The following AREL1 variants were observed in gnomAD, a reference collection of about 807,000 sequenced individuals.
AREL1 encodes apoptosis resistant E3 ubiquitin protein ligase 1.
In AREL1, 62 loss-of-function variants were observed where a neutral mutation model predicts 99.0. The ratio of observed to expected loss-of-function variants is 0.63; its 90% confidence interval spans 0.51 to 0.77. The LOEUF is 0.77. Among genes scored for constraint, AREL1 ranks in the 30% least tolerant of loss-of-function variants. The probability of loss-of-function intolerance (pLI) is 0.00; values close to 1 mark genes in which losing one functional copy is unlikely to be tolerated. For synonymous variants in AREL1, 380 were observed against 376.5 expected (o/e 1.01, Z -0.11); for missense variants, 879 against 1,027.6 (o/e 0.86, Z 1.98).
intron 3 of AREL1, among the ~76,000 whole-genome samples, chr14:74,685,085 T>C (rs2089718992): frequency 6.6e-6 from 1 of 152,320 alleles, no homozygotes; most frequent in Admixed American, 6.5e-5. Context: ...GAGCTGCATA[T>C]AATGTCCGCC....
intron 1 of AREL1, among the ~76,000 whole-genome samples, chr14:74,710,623 A>G (rs780172353): frequency 7.9e-5 from 12 of 152,202 alleles, no homozygotes; most frequent in Non-Finnish European, 1.6e-4. Context: ...AGCTCTACAC[A>G]TGAATGGCAG....
At chr14:74,690,571 C>T (rs1566695603) in intron 2 of AREL1, among the ~76,000 whole-genome samples, 1 of 152,208 alleles carries the variant, frequency 6.6e-6, no homozygotes, top group Non-Finnish European at 1.5e-5. Context: ...TTTTCTACAG[C>T]AGTTTCTACA....
In AREL1 at chr14:74,692,286, C is replaced by T. The variant is rs963723709; in HGVS notation, c.-291G>A. 1.1e-5 allele frequency: 5 copies of T among 456,444 alleles called. No homozygotes were observed. The highest frequency in any genetic ancestry group is 7.1e-5 in the Admixed American group (3 of 42,482). 28.3% of individuals were successfully genotyped at this position (456,444 alleles called of 1,614,324 possible). ...GAATATATCATTCCTGGACTTCTCT[C>T]TAGTGCAGGGTGCAATCGACTGCCA... On this transcript the variant is annotated 5_prime_UTR_variant, in exon 2 of 20. Transcript: ENST00000356357.
At chr14:74,665,101 G>A in intron 17 of AREL1, 176 bp from the exon 18 acceptor site, 1 of 502,552 alleles carries the variant, frequency 2.0e-6, no homozygotes. Context: ...ACATACAACA[G>A]GGCAATAGTT....
chr14:74,669,611 GAGAACAT>G, intron 15 of AREL1, 31 bp downstream of exon 15: 1 of 1,602,856 alleles, frequency 6.2e-7, no homozygotes. Context: ...CAGGAAACTG[GAGAACAT>G]AGGACCCAGA....
rs1235935775 is a variant in AREL1 at position 74,676,173 on chromosome 14, T to C, written c.800A>G (p.Asn267Ser). ...ACISYQNQPI[N>S]NGEFDIIVLS... is the part of the protein sequence containing the mutation. ...GACAATAATGTCAAATTCACCATTATTGATTGGCTGATTTTGGTATGAAAT... is the reference window on the plus strand; with the variant it reads ...GACAATAATGTCAAATTCACCATTACTGATTGGCTGATTTTGGTATGAAAT... The change falls in exon 7 of 20, where the codon AAT becomes AGT. Residue 267 changes from asparagine (N) to serine (S), a missense_variant. Physicochemically the swap from Asn to Ser is conservative, Grantham distance 46. Transcript: ENST00000356357. 6 of 1,614,028 alleles carry C rather than the reference T, an allele frequency of 3.7e-6. No homozygotes were observed. The highest frequency in any genetic ancestry group is 1.3e-5 in the African/African-American group (1 of 75,042).
At chr14:74,706,295 C>T (rs995370815) in intron 1 of AREL1, among the ~76,000 whole-genome samples, 14 of 152,166 alleles carry the variant, frequency 9.2e-5, no homozygotes, top group African/African-American at 1.4e-4. Context: ...CCATTAACTG[C>T]GCCTGAAGTG....
intron 11 of AREL1, 78 bp downstream of exon 11, chr14:74,672,753 A>G: frequency 1.3e-6 from 2 of 1,587,304 alleles, no homozygotes; most frequent in Middle Eastern, 1.7e-4. Context: ...AAACAAAAAC[A>G]AAAACAGTAA....
intron 6 of AREL1, 52 bp from the exon 7 acceptor site, chr14:74,676,373 A>T (rs1328002786): frequency 6.3e-7 from 1 of 1,582,412 alleles, no homozygotes; most frequent in Non-Finnish European, 8.6e-7. Flanking sequence ...TCCCATTTAC[A>T]AGCCACTTTA....
intron 12 of AREL1, 35 bp from the exon 13 acceptor site, chr14:74,670,906 C>T (rs1164177869): frequency 6.4e-7 from 1 of 1,561,638 alleles, no homozygotes; most frequent in South Asian, 1.1e-5. Flanking sequence ...AATGACTCTG[C>T]CCTCCCTCCT....
Position 74,663,715 on chromosome 14 carries a change from A to G in AREL1, c.*5T>C, listed in dbSNP as rs1462291307. On this transcript the variant is annotated 3_prime_UTR_variant, in exon 20 of 20. Transcript: ENST00000356357. ...ATGGGAGCCAACTGGATGACAGGAG[A>G]GTGGTCAGAGCATGCCAAAGCCCTC... The G allele has an allele frequency of 6.2e-7, 1 of 1,613,336 alleles. No homozygotes were observed. Among genetic ancestry groups the G allele is most frequent in the Non-Finnish European group, 8.5e-7 (1 of 1,179,854 alleles).
intron 1 of AREL1, among the ~76,000 whole-genome samples, chr14:74,694,196 A>AAATT (rs1225576452): frequency 4.6e-5 from 7 of 152,066 alleles, no homozygotes; most frequent in Non-Finnish European, 1.0e-4. Context: ...ATAAATAAAT[A>AAATT]AATAAATAAT....
intron 5 of AREL1, among the ~76,000 whole-genome samples, chr14:74,677,021 G>A (rs987157678): frequency 1.3e-5 from 2 of 151,712 alleles, no homozygotes; most frequent in Non-Finnish European, 2.9e-5. Flanking sequence ...GGATAGTCTC[G>A]ATCTCCTGAC....
chr14:74,675,759 C>T lies in AREL1; in HGVS notation c.1020G>A (p.Glu340=). The T allele has an allele frequency of 6.2e-7, 1 of 1,614,156 alleles. No individual in the cohort carries two copies. Among genetic ancestry groups the T allele is most frequent in the Non-Finnish European group, 8.5e-7 (1 of 1,180,038 alleles). The change falls in exon 8 of 20, where the codon GAG becomes GAA. Residue 340 remains glutamate, a synonymous_variant. Transcript: ENST00000356357. The part of the protein sequence containing the change: ...VDEEDEDSPS[E]CHTPEKVKKP... ...TCTTCACCTTCTCAGGGGTGTGGCA[C>T]TCAGAGGGCGAGTCTTCATCTTCCT... is the stretch of plus-strand genomic sequence containing the variant.
intron 1 of AREL1, among the ~76,000 whole-genome samples, chr14:74,692,755 G>C (rs1037912175): frequency 4.6e-5 from 7 of 152,164 alleles, no homozygotes; most frequent in Non-Finnish European, 8.8e-5. Context: ...CCAGGTTGGA[G>C]TGCAGTGGCA....
At chr14:74,670,189 C>A (rs966789957) in intron 13 of AREL1, 63 bp from the exon 14 acceptor site, 1 of 1,448,200 alleles carries the variant, frequency 6.9e-7, no homozygotes, top group Non-Finnish European at 9.3e-7. Context: ...TCTGGAAGGA[C>A]CCTTCCTTCC....
intron 2 of AREL1, among the ~76,000 whole-genome samples, chr14:74,689,023 T>C (rs2089810824): frequency 6.6e-6 from 1 of 151,196 alleles, no homozygotes; most frequent in Admixed American, 6.6e-5. Context: ...TTTTTTTTTT[T>C]TTTTAGTAGA....
At chr14:74,672,705 A>G in intron 11 of AREL1, 126 bp downstream of exon 11, 4 of 1,353,044 alleles carry the variant, frequency 3.0e-6, no homozygotes, top group Non-Finnish European at 4.1e-6. Flanking sequence ...TCTGCACCCC[A>G]GCCTGGGCAA....
chr14:74,700,046 A>C (rs539704688), intron 1 of AREL1, among the ~76,000 whole-genome samples: 1 of 152,366 alleles, frequency 6.6e-6, no homozygotes, highest in East Asian at 1.9e-4. Flanking sequence ...AGATGGCTTC[A>C]ATCTACCTGA....
Sources: allele counts gnomAD v4.1 joint callset (sites outside exome capture counted in the v4.1 genomes callset), GRCh38; gene constraint gnomAD v4.1.1; transcripts MANE v1.5; gene names NCBI Gene and HGNC (gene_info 2026-07-23, HGNC 2026-07-21).